METTL15: variants seen among roughly 807,000 people sequenced by gnomAD.
METTL15 encodes the protein 12S rRNA N(4)-cytidine methyltransferase METTL15.
Under a neutral mutation model 38.3 loss-of-function variants are expected in METTL15, and 34 were observed. That is an observed-to-expected ratio of 0.89 (90% CI 0.68 to 1.18). The LOEUF (loss-of-function observed/expected upper bound fraction) is 1.18, where lower values mean the gene tolerates loss of function less well. Ranked by LOEUF, METTL15 falls within the 50% of genes most tolerant of loss-of-function variation. The probability of loss-of-function intolerance (pLI) is 0.00; values close to 1 mark genes in which losing one functional copy is unlikely to be tolerated. For missense variants in METTL15, 438 were observed against 498.4 expected, an observed-to-expected ratio of 0.88 and a Z score of 1.15; for synonymous variants, 162 against 170.9, an observed-to-expected ratio of 0.95 and a Z score of 0.41.
chr11:28,248,939 C>T (rs1202146415), intron 4 of METTL15, among the ~76,000 whole-genome samples: 1 of 151,904 alleles, frequency 6.6e-6, no homozygotes, highest in African/African-American at 2.4e-5. Flanking sequence ...TTTCAGACTG[C>T]TCTGTCTTCA....
chr11:28,238,858 A>G (rs566935268), intron 4 of METTL15, among the ~76,000 whole-genome samples: 141 of 152,268 alleles, frequency 9.3e-4, no homozygotes, highest in African/African-American at 3.3e-3. Flanking sequence ...CACAATGCCA[A>G]ATTCAGTGGT....
intron 6 of METTL15, among the ~76,000 whole-genome samples, chr11:28,317,683 G>C (rs1857528719): frequency 6.6e-6 from 1 of 152,110 alleles, no homozygotes; most frequent in Non-Finnish European, 1.5e-5. Flanking sequence ...CCAGAAGCAT[G>C]GTGCTTTTTA....
At chr11:28,340,106 A>G (rs560140403) in intron 3 of METTL15, among the ~76,000 whole-genome samples, 1 of 152,264 alleles carries the variant, frequency 6.6e-6, no homozygotes, top group South Asian at 2.1e-4. Flanking sequence ...GTATACGTAC[A>G]CTAATTTGTT....
intron 4 of METTL15, among the ~76,000 whole-genome samples, chr11:28,229,828 A>T (rs1279691435): frequency 2.0e-5 from 3 of 152,052 alleles, no homozygotes; most frequent in African/African-American, 7.2e-5. Flanking sequence ...ACTGAGCTGT[A>T]TTAGTGTCTT....
At chr11:28,113,742 G>A (rs997897396) in intron 3 of METTL15, 138 bp downstream of exon 3, 3 of 850,064 alleles carry the variant, frequency 3.5e-6, no homozygotes, top group East Asian at 2.7e-5. Flanking sequence ...TGATGCGAAA[G>A]TGATACACAT....
At chr11:28,312,569 T>C (rs1394991790) in intron 6 of METTL15, among the ~76,000 whole-genome samples, 2 of 152,338 alleles carry the variant, frequency 1.3e-5, no homozygotes, top group African/African-American at 4.8e-5. Flanking sequence ...TTTGTTCTTT[T>C]TTTCTTGTTG....
chr11:28,183,968 T>G (rs1199274915), intron 3 of METTL15, among the ~76,000 whole-genome samples: 1 of 152,132 alleles, frequency 6.6e-6, no homozygotes, highest in Non-Finnish European at 1.5e-5. Flanking sequence ...ATTCAACTTC[T>G]TCGTGTTTTA....
chr11:28,370,810 T>C (rs1275309514), intron 5 of METTL15, among the ~76,000 whole-genome samples: 1 of 152,014 alleles, frequency 6.6e-6, no homozygotes, highest in East Asian at 1.9e-4. Flanking sequence ...ATAGTGATGC[T>C]GAACATTTTT....
intron 6 of METTL15, among the ~76,000 whole-genome samples, chr11:28,318,350 G>A (rs1476523024): frequency 1.3e-5 from 2 of 151,826 alleles, no homozygotes; most frequent in African/African-American, 4.8e-5. Flanking sequence ...GTACAGAGGG[G>A]TAAATAATTT....
intron 5 of METTL15, among the ~76,000 whole-genome samples, chr11:28,401,435 A>G (rs1315438772): frequency 6.6e-6 from 1 of 151,884 alleles, no homozygotes; most frequent in Non-Finnish European, 1.5e-5. Context: ...GTCTTCTCTC[A>G]TATGTGTGTG....
intron 6 of METTL15, among the ~76,000 whole-genome samples, chr11:28,304,272 A>C (rs955535849): frequency 6.6e-6 from 1 of 152,156 alleles, no homozygotes; most frequent in African/African-American, 2.4e-5. Flanking sequence ...AAGGAGAAGA[A>C]TAATTGTCTT....
At chr11:28,162,280 C>T (rs899003135) in intron 3 of METTL15, among the ~76,000 whole-genome samples, 1 of 151,998 alleles carries the variant, frequency 6.6e-6, no homozygotes. Flanking sequence ...GAAACAAACA[C>T]CTGTTAGGTA....
intron 5 of METTL15, among the ~76,000 whole-genome samples, chr11:28,376,603 C>T (rs143940365): frequency 0.038 from 5,761 of 152,140 alleles, 366 homozygotes; most frequent in African/African-American, 0.13. Flanking sequence ...TGGGTCTTGA[C>T]TCTTTATCCA....
intron 5 of METTL15, among the ~76,000 whole-genome samples, chr11:28,397,507 A>C (rs1422626084): frequency 1.1e-4 from 17 of 152,324 alleles, no homozygotes; most frequent in African/African-American, 3.8e-4. Flanking sequence ...ATCACTGGCC[A>C]TCAGAGAAAT....
chr11:28,213,811 G>A (rs1375415511), intron 4 of METTL15, among the ~76,000 whole-genome samples: 5 of 151,194 alleles, frequency 3.3e-5, no homozygotes, highest in Admixed American at 6.6e-5. Flanking sequence ...GCTTGTCACC[G>A]TGCCTGGCTA....
At chr11:28,271,880 A>C (rs756241768) in intron 4 of METTL15, among the ~76,000 whole-genome samples, 6 of 152,206 alleles carry the variant, frequency 3.9e-5, no homozygotes, top group Non-Finnish European at 5.9e-5. Flanking sequence ...ACAGAAAAAA[A>C]CAACACCGTC....
intron 6 of METTL15, among the ~76,000 whole-genome samples, chr11:28,315,214 A>T (rs1240218158): frequency 2.6e-5 from 4 of 152,192 alleles, no homozygotes; most frequent in Non-Finnish European, 2.9e-5. Flanking sequence ...GCCTTGCTGA[A>T]TGGCTTTGCC....
At chr11:28,415,413 A>G (rs907318462) in intron 5 of METTL15, among the ~76,000 whole-genome samples, 5 of 152,192 alleles carry the variant, frequency 3.3e-5, no homozygotes, top group Admixed American at 1.3e-4. Context: ...ATTATTAGCT[A>G]TTTTCTTAGT....
At chr11:28,404,733 C>T (rs1208906963) in intron 5 of METTL15, among the ~76,000 whole-genome samples, 1 of 152,120 alleles carries the variant, frequency 6.6e-6, no homozygotes, top group Non-Finnish European at 1.5e-5. Context: ...AGGCCAACGT[C>T]GCACTGCGAA....
Sources: gnomAD v4.1 joint callset for allele counts (sites outside exome capture counted in the v4.1 genomes callset) on GRCh38, gnomAD v4.1.1 for gene constraint, MANE v1.5 for transcripts, NCBI Gene and HGNC (gene_info 2026-07-23, HGNC 2026-07-21) for gene names.